The following PALS1 variants were observed in gnomAD, a reference collection of about 807,000 sequenced individuals.
PALS1 encodes the protein protein associated with LIN7 1, MAGUK p55 family member, also known as protein PALS1.
In PALS1, 31 loss-of-function variants were observed where a neutral mutation model predicts 78.9. That is an observed-to-expected ratio of 0.39 (90% confidence interval 0.30 to 0.53). PALS1 has a LOEUF of 0.53. Ranked by LOEUF, PALS1 falls within the 20% of genes least tolerant of loss-of-function variation. The pLI, the probability that PALS1 is intolerant of heterozygous loss-of-function variation, is 0.67. For synonymous variants in PALS1, 276 were observed against 270.9 expected (o/e 1.02, Z -0.18); for missense variants, 704 against 826.5 (o/e 0.85, Z 1.82).
chr14:67,253,290 G>C (rs1410390697), intron 1 of PALS1, among the ~76,000 whole-genome samples: 3 of 152,244 alleles, frequency 2.0e-5, no homozygotes, highest in African/African-American at 7.2e-5. Context: ...TTAGATAAGA[G>C]ATAGGAGTTG....
chr14:67,245,045 A>C (rs2083967511), intron 1 of PALS1, among the ~76,000 whole-genome samples: 1 of 152,230 alleles, frequency 6.6e-6, no homozygotes, highest in Admixed American at 6.5e-5. Flanking sequence ...CAAACTAAGG[A>C]ATATGAGTGG....
chr14:67,268,034 C>T (rs981052121), intron 1 of PALS1, among the ~76,000 whole-genome samples: 1 of 152,134 alleles, frequency 6.6e-6, no homozygotes, highest in Non-Finnish European at 1.5e-5. Context: ...CCTATGCATA[C>T]TCATTACAAA....
At chr14:67,271,146 C>T (rs2084400829) in intron 2 of PALS1, 2 of 152,194 alleles carry the variant, frequency 1.3e-5, no homozygotes, top group South Asian at 4.1e-4. Flanking sequence ...AAACACTTAG[C>T]AGGTATCACG....
At chr14:67,261,563 A>G (rs1684065903) in intron 1 of PALS1, among the ~76,000 whole-genome samples, 1 of 152,166 alleles carries the variant, frequency 6.6e-6, no homozygotes, top group South Asian at 2.1e-4. Flanking sequence ...ATTATTAAAA[A>G]CAGTTTGTCA....
intron 1 of PALS1, among the ~76,000 whole-genome samples, chr14:67,252,782 A>G (rs920132394): frequency 6.6e-6 from 1 of 152,188 alleles, no homozygotes; most frequent in African/African-American, 2.4e-5. Flanking sequence ...TTTATCATTT[A>G]TTTGTTTAAA....
intron 1 of PALS1, among the ~76,000 whole-genome samples, chr14:67,254,977 C>G (rs1320588419): frequency 2.0e-5 from 3 of 152,258 alleles, no homozygotes; most frequent in Admixed American, 6.5e-5. Flanking sequence ...GGTGAAACCT[C>G]TTCTCTACTA....
At chr14:67,252,285 G>A (rs1343743209) in intron 1 of PALS1, among the ~76,000 whole-genome samples, 1 of 152,064 alleles carries the variant, frequency 6.6e-6, no homozygotes, top group African/African-American at 2.4e-5. Context: ...CAACTCCTGG[G>A]CTCAAATAGG....
At chr14:67,274,116 CTTTGG>C (rs2084459549) in intron 2 of PALS1, among the ~76,000 whole-genome samples, 1 of 152,162 alleles carries the variant, frequency 6.6e-6, no homozygotes, top group African/African-American at 2.4e-5. Flanking sequence ...TGCAGAAGCT[CTTTGG>C]TTTAATTAGA....
rs899461130 is a variant in PALS1, at chr14:67,321,054, T to C, written c.1538-3T>C. 5 of 1,613,876 alleles carry C rather than the reference T, an allele frequency of 3.1e-6. No individual in the cohort carries two copies. The African/African-American group carries it at 6.7e-5, about 22-fold the overall frequency. On this transcript the variant is annotated splice_polypyrimidine_tract_variant and splice_region_variant and intron_variant, in intron 12 of 14. Coordinates refer to ENST00000261681, the MANE Select transcript of PALS1 (RefSeq NM_022474.4). ...TTATTTCTATCTGATTTTGTTTGCC[T>C]AGATACAACCCGGAGTAGGCGAGAC...
intron 8 of PALS1, chr14:67,311,918 G>A (rs2085096910): frequency 6.6e-6 from 1 of 152,628 alleles, no homozygotes; most frequent in African/African-American, 2.4e-5. Context: ...CGCCAAGAGA[G>A]TTTAAGGCAT....
At chr14:67,301,921 C>T (rs1054723633) in intron 5 of PALS1, 51 bp from the exon 6 acceptor site, 1 of 1,544,666 alleles carries the variant, frequency 6.5e-7, no homozygotes, top group African/African-American at 1.4e-5. Flanking sequence ...AATCACTCTG[C>T]AGAAATAAAT....
At chr14:67,256,538 CCTTTTTT>C (rs1489818097) in intron 1 of PALS1, among the ~76,000 whole-genome samples, 9 of 152,038 alleles carry the variant, frequency 5.9e-5, no homozygotes, top group African/African-American at 1.9e-4. Flanking sequence ...TACTTTATAT[CCTTTTTT>C]CTTTTTTCTT....
intron 9 of PALS1, 97 bp from the exon 10 acceptor site, chr14:67,316,735 A>C: frequency 3.4e-6 from 3 of 892,176 alleles, no homozygotes; most frequent in Non-Finnish European, 5.1e-6. Flanking sequence ...AATATAAGTG[A>C]AGAGATATGT....
At chr14:67,290,451 A>G (rs1390173503) in intron 3 of PALS1, among the ~76,000 whole-genome samples, 5 of 152,106 alleles carry the variant, frequency 3.3e-5, no homozygotes, top group African/African-American at 7.2e-5. Context: ...TGCCCAGGCT[A>G]GAGTGCAGTA....
At chr14:67,313,356 C>T (rs1566572165) in intron 9 of PALS1, among the ~76,000 whole-genome samples, 1 of 152,156 alleles carries the variant, frequency 6.6e-6, no homozygotes, top group Non-Finnish European at 1.5e-5. Flanking sequence ...GCAAACATCA[C>T]TGAGTGTATT....
intron 3 of PALS1, among the ~76,000 whole-genome samples, chr14:67,280,593 A>G (rs975435876): frequency 6.6e-6 from 1 of 152,190 alleles, no homozygotes; most frequent in Non-Finnish European, 1.5e-5. Context: ...GGTAGAGCCA[A>G]GTTTGAATTT....
rs2085523587 is a variant in PALS1, at chr14:67,335,813, A to G, written c.*2857A>G. The G allele has an allele frequency of 6.6e-6, 1 of 152,472 alleles. No individual in the cohort carries two copies. Among genetic ancestry groups the G allele is most frequent in the Admixed American group, 6.5e-5 (1 of 15,286 alleles). 9.4% of individuals were successfully genotyped at this position (152,472 alleles called of 1,614,324 possible). A position where few individuals can be genotyped will look rare whatever the true frequency, so the allele number is the denominator to read the frequency against. On this transcript the variant is annotated 3_prime_UTR_variant, in exon 15 of 15. Transcript: ENST00000261681. ...AAGTAAAATTATATTTCAAATTTTA[A>G]AAGCCACTAAGCAATTTCTCTTGCT...
chr14:67,289,658 C>A (rs912471233), intron 3 of PALS1, among the ~76,000 whole-genome samples: 3 of 151,802 alleles, frequency 2.0e-5, no homozygotes, highest in African/African-American at 7.3e-5. Context: ...AAAAATTTAA[C>A]TGCTGTTCAA....
At position 67,321,272 on chromosome 14, in the gene PALS1, C is replaced by T. The variant is rs776933862; in HGVS notation, c.1740+13C>T. The T allele has an allele frequency of 6.2e-7, 1 of 1,613,366 alleles. No individual in the cohort carries two copies. The highest frequency in any genetic ancestry group is 8.5e-7 in the Non-Finnish European group (1 of 1,179,486). ...TCTTCGTACACAGGTAAAGCTAGAA[C>T]TTTGTTTTAGGGTTTGAACTTAGAA... is the stretch of plus-strand genomic sequence containing the variant. On this transcript the variant is annotated intron_variant, in intron 13 of 14. Coordinates refer to ENST00000261681, the MANE Select transcript of PALS1 (RefSeq NM_022474.4).
Sources: allele counts gnomAD v4.1 joint callset (sites outside exome capture counted in the v4.1 genomes callset), GRCh38; gene constraint gnomAD v4.1.1; transcripts MANE v1.5; gene names NCBI Gene and HGNC (gene_info 2026-07-23, HGNC 2026-07-21).